XRCC4: variants seen among roughly 807,000 people sequenced by gnomAD.
XRCC4 encodes DNA repair protein XRCC4.
XRCC4 carries 28 observed loss-of-function variants against 39.1 expected under a neutral mutation model. That is an observed-to-expected ratio of 0.72 (90% confidence interval 0.53 to 0.98). XRCC4 has a LOEUF of 0.98. Ranked by LOEUF, XRCC4 falls within the 50% of genes least tolerant of loss-of-function variation. The pLI, the probability that XRCC4 is intolerant of heterozygous loss-of-function variation, is 0.00. For synonymous variants in XRCC4, 123 were observed against 126.4 expected, an observed-to-expected ratio of 0.97 and a Z score of 0.18; for missense variants, 350 against 376.4, an observed-to-expected ratio of 0.93 and a Z score of 0.58.
intron 1 of XRCC4, among the ~76,000 whole-genome samples, chr5:83,080,116 T>C (rs569632021): frequency 1.3e-5 from 2 of 152,330 alleles, no homozygotes; most frequent in East Asian, 3.9e-4. Context: ...GGAATTATAA[T>C]GGAGGAATGG....
At chr5:83,322,451 C>G (rs1212984981) in intron 7 of XRCC4, among the ~76,000 whole-genome samples, 1 of 152,122 alleles carries the variant, frequency 6.6e-6, no homozygotes, top group Non-Finnish European at 1.5e-5. Context: ...AATAAGATAA[C>G]TTTCCCTCAC....
intron 7 of XRCC4, among the ~76,000 whole-genome samples, chr5:83,346,599 T>G (rs13359237): frequency 0.035 from 5,265 of 152,268 alleles, 294 homozygotes; most frequent in African/African-American, 0.12. Flanking sequence ...ATGTTTAACT[T>G]AAAGCTTTCT....
At chr5:83,265,779 T>C (rs1236903410) in intron 7 of XRCC4, among the ~76,000 whole-genome samples, 6 of 152,148 alleles carry the variant, frequency 3.9e-5, no homozygotes, top group Non-Finnish European at 8.8e-5. Context: ...TGTAAGTGCA[T>C]GAATTGTAAG....
chr5:83,119,402 T>C (rs1746889083), intron 3 of XRCC4, among the ~76,000 whole-genome samples: 1 of 152,228 alleles, frequency 6.6e-6, no homozygotes, highest in Non-Finnish European at 1.5e-5. Flanking sequence ...ATATAATTTT[T>C]GTGATCTTTT....
intron 3 of XRCC4, among the ~76,000 whole-genome samples, chr5:83,150,681 G>A (rs1201433395): frequency 6.6e-6 from 1 of 152,082 alleles, no homozygotes; most frequent in Non-Finnish European, 1.5e-5. Context: ...CTTGTGTGCT[G>A]TGTGATTTAT....
intron 7 of XRCC4, among the ~76,000 whole-genome samples, chr5:83,338,539 T>C (rs1159661546): frequency 6.6e-6 from 1 of 152,206 alleles, no homozygotes; most frequent in Non-Finnish European, 1.5e-5. Context: ...CTGAATGACA[T>C]CTAAAAGCTT....
chr5:83,249,621 T>C (rs1252419377), intron 6 of XRCC4, among the ~76,000 whole-genome samples: 1 of 152,168 alleles, frequency 6.6e-6, no homozygotes, highest in Non-Finnish European at 1.5e-5. Context: ...GGTTTATCAT[T>C]GTCAAATTCT....
chr5:83,241,713 A>G (rs1482416746), intron 6 of XRCC4, among the ~76,000 whole-genome samples: 1 of 152,184 alleles, frequency 6.6e-6, no homozygotes, highest in Non-Finnish European at 1.5e-5. Context: ...CTAATAGCCT[A>G]CTGTTGACCA....
intron 3 of XRCC4, among the ~76,000 whole-genome samples, chr5:83,143,621 G>A (rs1748289970): frequency 1.3e-5 from 2 of 152,034 alleles, no homozygotes; most frequent in African/African-American, 4.8e-5. Flanking sequence ...CTGTAGTACA[G>A]GCTGGCTGGC....
intron 3 of XRCC4, among the ~76,000 whole-genome samples, chr5:83,119,202 T>G (rs1746880358): frequency 6.6e-6 from 1 of 152,220 alleles, no homozygotes; most frequent in African/African-American, 2.4e-5. Flanking sequence ...TATTTCCAGA[T>G]GAAATATCAG....
intron 3 of XRCC4, among the ~76,000 whole-genome samples, chr5:83,183,965 T>C (rs1448163370): frequency 6.6e-6 from 1 of 152,140 alleles, no homozygotes; most frequent in African/African-American, 2.4e-5. Context: ...GTAAATAAGA[T>C]TATATAGCAA....
At chr5:83,092,415 T>A (rs1473066476) in intron 1 of XRCC4, among the ~76,000 whole-genome samples, 1 of 152,088 alleles carries the variant, frequency 6.6e-6, no homozygotes, top group Admixed American at 6.6e-5. Context: ...TAATGTCAAA[T>A]CCATTTTAAT....
At chr5:83,215,934 A>C (rs759776327) in intron 6 of XRCC4, among the ~76,000 whole-genome samples, 7 of 152,186 alleles carry the variant, frequency 4.6e-5, no homozygotes, top group Non-Finnish European at 1.0e-4. Flanking sequence ...TCAAAAGCAC[A>C]ATACATAAAT....
At chr5:83,135,233 C>T (rs1747835589) in intron 3 of XRCC4, among the ~76,000 whole-genome samples, 1 of 152,152 alleles carries the variant, frequency 6.6e-6, no homozygotes, top group African/African-American at 2.4e-5. Context: ...CCCACTGTCT[C>T]ACAAGTCCCA....
chr5:83,368,635 C>A, the XRCC4 span, among the ~76,000 whole-genome samples: 1 of 152,164 alleles, frequency 6.6e-6, no homozygotes, highest in Non-Finnish European at 1.5e-5. Flanking sequence ...GTTGGCTGTG[C>A]TCTGCTTACA....
intron 7 of XRCC4, chr5:83,259,055 A>T (rs1753659448): frequency 1.1e-5 from 2 of 181,230 alleles, no homozygotes; most frequent in Non-Finnish European, 1.1e-5. Flanking sequence ...TATGCTTGGC[A>T]TTTTTTTTCA....
At chr5:83,130,963 A>G (rs1747544598) in intron 3 of XRCC4, among the ~76,000 whole-genome samples, 1 of 151,810 alleles carries the variant, frequency 6.6e-6, no homozygotes, top group African/African-American at 2.4e-5. Context: ...TGTGTCTCTT[A>G]TCTCCTTCAA....
intron 7 of XRCC4, among the ~76,000 whole-genome samples, chr5:83,265,356 T>C (rs1469969203): frequency 1.3e-5 from 2 of 152,122 alleles, no homozygotes; most frequent in African/African-American, 4.8e-5. Context: ...TATCATAATG[T>C]TTATCTTAGT....
At chr5:83,148,530 T>C (rs931723366) in intron 3 of XRCC4, among the ~76,000 whole-genome samples, 2 of 152,166 alleles carry the variant, frequency 1.3e-5, no homozygotes, top group Non-Finnish European at 2.9e-5. Context: ...ATTACTTCCA[T>C]TGCTCACTAG....
Sources: gnomAD v4.1 joint callset for allele counts (sites outside exome capture counted in the v4.1 genomes callset) on GRCh38, gnomAD v4.1.1 for gene constraint, MANE v1.5 for transcripts, NCBI Gene and HGNC (gene_info 2026-07-23, HGNC 2026-07-21) for gene names.